Variants in MACF1 observed in about 807,000 individuals in gnomAD.
MACF1 encodes the protein microtubule-actin cross-linking factor 1.
In MACF1, 193 loss-of-function variants were observed where a neutral mutation model predicts 854.8. The observed-to-expected ratio is 0.23, with a 90% confidence interval of 0.20 to 0.25. The LOEUF (loss-of-function observed/expected upper bound fraction) is 0.25. Ranked by LOEUF, MACF1 falls within the 10% of genes least tolerant of loss-of-function variation. The probability of loss-of-function intolerance (pLI) is 1.00; values close to 1 mark genes in which losing one functional copy is unlikely to be tolerated. For synonymous variants in MACF1, 3,185 were observed against 3,226.7 expected, an observed-to-expected ratio of 0.99 and a Z score of 0.44; for missense variants, 7,722 against 8,929.1, an observed-to-expected ratio of 0.86 and a Z score of 5.45.
chr1:39,122,438 A>G (rs1338108947), intron 2 of MACF1, among the ~76,000 whole-genome samples: 2 of 151,998 alleles, frequency 1.3e-5, no homozygotes, highest in Non-Finnish European at 2.9e-5. Context: ...TATTTTTAGT[A>G]GAGATGGGGT....
At chr1:39,305,106 A>G (rs1435922133) in intron 23 of MACF1, among the ~76,000 whole-genome samples, 1 of 151,572 alleles carries the variant, frequency 6.6e-6, no homozygotes, top group Non-Finnish European at 1.5e-5. Flanking sequence ...CTAAAAATAC[A>G]GACAATTAGC....
intron 2 of MACF1, among the ~76,000 whole-genome samples, chr1:39,096,424 T>C (rs1377409192): frequency 6.6e-6 from 1 of 150,740 alleles, no homozygotes; most frequent in Non-Finnish European, 1.5e-5. Context: ...TCCCCAGTTA[T>C]GTATAAGAAA....
At chr1:39,094,135 TCTGA>T (rs1035568246) in intron 2 of MACF1, among the ~76,000 whole-genome samples, 1 of 152,056 alleles carries the variant, frequency 6.6e-6, no homozygotes, top group Non-Finnish European at 1.5e-5. Context: ...TACCTGTGCT[TCTGA>T]CTGACTGGCT....
At chr1:39,117,077 G>A (rs973040774) in intron 2 of MACF1, among the ~76,000 whole-genome samples, 1 of 152,154 alleles carries the variant, frequency 6.6e-6, no homozygotes, top group Admixed American at 6.5e-5. Context: ...GGCAATGAAG[G>A]AGATAGATTT....
chr1:39,434,408 A>T lies in MACF1; in HGVS notation c.17566-6A>T, dbSNP rs374768437. ...ATCCTTTTTTTTTTTTTTTTTGCTC[A>T]CATAGGAAAAGACAGAGTCTCTAAT... On this transcript the variant is annotated splice_region_variant and splice_polypyrimidine_tract_variant and intron_variant, in intron 68 of 100. Coordinates refer to ENST00000564288, the MANE Select transcript of MACF1 (RefSeq NM_001394062.1). The T allele has an allele frequency of 1.5e-3, 2,109 of 1,386,068 alleles. 1 individual carries two copies. The highest frequency in any genetic ancestry group is 1.8e-3 in the Non-Finnish European group (1,909 of 1,034,034). 85.9% of individuals were successfully genotyped at this position (1,386,068 alleles called of 1,614,324 possible). A position where few individuals can be genotyped will look rare whatever the true frequency, so the allele number is the denominator to read the frequency against.
At chr1:39,187,121 G>C (rs548647653) in intron 2 of MACF1, among the ~76,000 whole-genome samples, 1 of 151,212 alleles carries the variant, frequency 6.6e-6, no homozygotes, top group East Asian at 1.9e-4. Flanking sequence ...ACACGTTATT[G>C]CCGTTATATT....
intron 2 of MACF1, among the ~76,000 whole-genome samples, chr1:39,141,551 C>T (rs927677630): frequency 2.6e-5 from 4 of 152,254 alleles, no homozygotes; most frequent in African/African-American, 9.6e-5. Flanking sequence ...ACTGTTACCA[C>T]ATATATCATA....
At chr1:39,126,459 G>A (rs1378148933) in intron 2 of MACF1, among the ~76,000 whole-genome samples, 1 of 152,152 alleles carries the variant, frequency 6.6e-6, no homozygotes, top group Non-Finnish European at 1.5e-5. Context: ...CCTGGGGTTA[G>A]GACATCTTTC....
intron 58 of MACF1, among the ~76,000 whole-genome samples, chr1:39,417,712 A>ATTTTTTTTTTTTTTTT (rs1643370130): frequency 1.5e-5 from 1 of 68,516 alleles, no homozygotes; most frequent in Admixed American, 1.6e-4. Flanking sequence ...ACACCCAGTT[A>ATTTTTTTTTTTTTTTT]ATTTTTTTTT....
chr1:39,246,761 C>T (rs1644986132), intron 2 of MACF1, among the ~76,000 whole-genome samples: 1 of 152,062 alleles, frequency 6.6e-6, no homozygotes, highest in African/African-American at 2.4e-5. Context: ...CCACCCACCT[C>T]AGGCTCCCAA....
chr1:39,391,468 T>A (rs569661783), intron 58 of MACF1, among the ~76,000 whole-genome samples: 2 of 152,210 alleles, frequency 1.3e-5, no homozygotes, highest in Non-Finnish European at 2.9e-5. Context: ...CACCATGATA[T>A]TGGTTATTAT....
At chr1:39,277,418 A>G (rs539584401) in intron 6 of MACF1, among the ~76,000 whole-genome samples, 28 of 152,182 alleles carry the variant, frequency 1.8e-4, no homozygotes, top group Admixed American at 3.3e-4. Context: ...AAATGCTTAA[A>G]TATACTGCTT....
upstream of MACF1, among the ~76,000 whole-genome samples, chr1:39,201,302 G>C (rs1223107436): frequency 6.6e-6 from 1 of 152,020 alleles, no homozygotes; most frequent in Non-Finnish European, 1.5e-5. Context: ...CATTATAGCT[G>C]GTTTCCCTGT....
chr1:39,282,767 C>T (rs1645572041), intron 7 of MACF1, among the ~76,000 whole-genome samples: 1 of 152,088 alleles, frequency 6.6e-6, no homozygotes, highest in Non-Finnish European at 1.5e-5. Flanking sequence ...CTTCTGGGGT[C>T]AGAGTGTTCC....
Position 39,283,502 on chromosome 1 carries a change from G to A in MACF1, c.902G>A (p.Gly301Glu), listed in dbSNP as rs777932409. Reference sequence around the variant, plus strand: ...CCTAAAGTTCCTGAGGGTGGAGAAGGGATCAGTGCTACGGTAAAAGAACAT... The same window carrying A: ...CCTAAAGTTCCTGAGGGTGGAGAAGAGATCAGTGCTACGGTAAAAGAACAT... ...AFPKVPEGGE[G>E]ISATEVDSRW... is the part of the protein sequence containing the mutation. The change falls in exon 9 of 101, where the codon GGG becomes GAG. Residue 301 changes from glycine to glutamate, a missense_variant. Physicochemically the swap from Gly to Glu is moderately conservative, Grantham distance 98. This residue lies in a region of MACF1 where 97 missense variants were observed against 130.4 expected (regional missense o/e 0.74). Transcript: ENST00000564288. This position sits in a 1 kb window ranked among gnomAD's most constrained non-coding sequence, Gnocchi z 4.5. 1 of 1,602,480 alleles carries A rather than the reference G, an allele frequency of 6.2e-7. No homozygotes were observed. Among genetic ancestry groups the A allele is most frequent in the Admixed American group, 1.7e-5 (1 of 60,012 alleles).
Position 39,444,943 on chromosome 1 carries a change from G to A in MACF1, c.19605+108G>A, listed in dbSNP as rs548423424. 3.5e-4 allele frequency: 337 copies of A among 972,100 alleles called. 2 individuals are homozygous for A. The African/African-American group carries it at 5.0e-3, about 14-fold the overall frequency. The allele number at this position is 972,100 out of a possible 1,614,324, so 60.2% of individuals were successfully genotyped here. A position where few individuals can be genotyped will look rare whatever the true frequency, so the allele number is the denominator to read the frequency against. On this transcript the variant is annotated intron_variant, in intron 80 of 100. Transcript: ENST00000564288. ...TTTTGAAGACCAGGGTATTGTAACA[G>A]AAGTTGCAGAACTGATTCCATCTGT...
chr1:39,414,477 G>A (rs1316398758), intron 58 of MACF1: 2 of 1,614,014 alleles, frequency 1.2e-6, no homozygotes, highest in Admixed American at 1.7e-5. Flanking sequence ...ATTCAGATGA[G>A]GTAATTGTCC....
intron 11 of MACF1, 57 bp from the exon 12 acceptor site, chr1:39,285,026 A>G (rs925652018): frequency 8.8e-6 from 14 of 1,596,118 alleles, no homozygotes; most frequent in Non-Finnish European, 1.1e-5. Flanking sequence ...ATAATAAATC[A>G]AAACTGGGAC....
At chr1:39,322,849 G>T (rs1646539382) in intron 32 of MACF1, 61 bp from the exon 33 acceptor site, 1 of 1,548,800 alleles carries the variant, frequency 6.5e-7, no homozygotes, top group African/African-American at 1.4e-5. Flanking sequence ...CTCTTATTTT[G>T]AACTATTTAA....
Sources: gnomAD v4.1 joint callset for allele counts (sites outside exome capture counted in the v4.1 genomes callset) on GRCh38, gnomAD v4.1.1 for gene constraint, gnomAD v4.1.1 regional missense constraint, Gnocchi (gnomAD v3.1) non-coding constraint, MANE v1.5 for transcripts, NCBI Gene and HGNC (gene_info 2026-07-23, HGNC 2026-07-21) for gene names.